SNX10: variants seen among roughly 807,000 people sequenced by gnomAD.
SNX10 encodes the protein sorting nexin 10.
In SNX10, 25 loss-of-function variants were observed where a neutral mutation model predicts 28.5. The observed-to-expected ratio is 0.88, with a 90% CI of 0.64 to 1.22. The LOEUF (loss-of-function observed/expected upper bound fraction) is 1.22, where lower values mean the gene tolerates loss of function less well. Among genes scored for constraint, SNX10 ranks in the 50% most tolerant of loss-of-function variants. SNX10 has a pLI of 0.00. For missense variants in SNX10, 223 were observed against 242.6 expected, an observed-to-expected ratio of 0.92 and a Z score of 0.54; for synonymous variants, 62 against 81.4, an observed-to-expected ratio of 0.76 and a Z score of 1.28.
intron 3 of SNX10, among the ~76,000 whole-genome samples, chr7:26,361,627 G>A (rs910618720): frequency 1.3e-5 from 2 of 152,204 alleles, no homozygotes; most frequent in African/African-American, 4.8e-5. Context: ...GTGGTGTGTG[G>A]CCTTCTGTGA....
intron 3 of SNX10, among the ~76,000 whole-genome samples, chr7:26,363,063 A>G (rs1418253952): frequency 2.0e-5 from 3 of 152,198 alleles, no homozygotes; most frequent in Non-Finnish European, 4.4e-5. Context: ...AACCTGCTCA[A>G]GCCTTGTTAG....
At position 26,328,755 on chromosome 7, in the gene SNX10, T is replaced by C. The variant is rs1410719882; in HGVS notation, c.-23-17665T>C. Among the ~76,000 whole-genome samples the C allele has an allele frequency of 6.6e-5, 10 of 152,142 alleles. No individual in the cohort carries two copies. The East Asian group carries it at 1.9e-3, about 29-fold the overall frequency. On this transcript the variant is annotated intron_variant, in intron 1 of 6. Transcript: ENST00000338523. The stretch of plus-strand genomic sequence containing the variant: ...TACAGAAGTGGGGAGAATGCCTTCT[T>C]TCCCATCATGGGCCTCGCTGCAGGC...
intron 1 of SNX10, among the ~76,000 whole-genome samples, chr7:26,321,594 A>G (rs1787310234): frequency 6.6e-6 from 1 of 152,110 alleles, no homozygotes; most frequent in Non-Finnish European, 1.5e-5. Flanking sequence ...GGTCAGGTGC[A>G]CTGCAGACTC....
At chr7:26,351,749 C>T (rs531368412) in intron 2 of SNX10, among the ~76,000 whole-genome samples, 70 of 147,476 alleles carry the variant, frequency 4.7e-4, no homozygotes, top group Non-Finnish European at 8.8e-4. Flanking sequence ...CTCCACCTCC[C>T]GGGTTCACAC....
chr7:26,318,439 A>G (rs190599906), intron 1 of SNX10, among the ~76,000 whole-genome samples: 50 of 152,248 alleles, frequency 3.3e-4, no homozygotes, highest in Admixed American at 1.2e-3. Context: ...AGTACCAATA[A>G]TTCAGCCAGT....
intron 2 of SNX10, among the ~76,000 whole-genome samples, chr7:26,357,888 G>C (rs542189215): frequency 6.6e-6 from 1 of 152,114 alleles, no homozygotes; most frequent in African/African-American, 2.4e-5. Flanking sequence ...AGGTGGATCA[G>C]GCTAGAGGCT....
At chr7:26,317,651 T>A (rs1403451100) in intron 1 of SNX10, among the ~76,000 whole-genome samples, 2 of 148,900 alleles carry the variant, frequency 1.3e-5, no homozygotes, top group Admixed American at 1.4e-4. Context: ...ATGGTGATCT[T>A]CTTTGATCTT....
chr7:26,327,829 A>G (rs1693164136), intron 1 of SNX10, among the ~76,000 whole-genome samples: 1 of 140,438 alleles, frequency 7.1e-6, no homozygotes, highest in South Asian at 2.2e-4. Flanking sequence ...TCCCGGGTTC[A>G]CGCCATTCTC....
intron 1 of SNX10, among the ~76,000 whole-genome samples, chr7:26,323,299 G>A (rs1787375097): frequency 6.9e-6 from 1 of 144,884 alleles, no homozygotes. Flanking sequence ...TAAAACTTAG[G>A]GGAAAAACTT....
chr7:26,351,162 T>C (rs2128015092), intron 2 of SNX10, among the ~76,000 whole-genome samples: 1 of 152,336 alleles, frequency 6.6e-6, no homozygotes, highest in South Asian at 2.1e-4. Flanking sequence ...TTTCAAGAAA[T>C]ACTTCACCAG....
rs548464262 is a variant in SNX10, at chr7:26,354,919, ATTTT to A, written c.25-6047_25-6044del. Among the ~76,000 whole-genome samples, 738 of 145,262 alleles carry A rather than the reference ATTTT, an allele frequency of 5.1e-3. 5 individuals are homozygous for A. Among genetic ancestry groups the A allele is most frequent in the African/African-American group, 0.018 (707 of 39,620 alleles). On this transcript the variant is annotated intron_variant, in intron 2 of 6. Transcript: ENST00000338523. ...GTCCTAGGCCGAAAGATTTTCTTTG[ATTTT>A]TTTTTTTTCTAAAAGTTTTTCTAAA...
intron 1 of SNX10, among the ~76,000 whole-genome samples, chr7:26,302,409 T>C (rs1019607392): frequency 2.4e-4 from 37 of 152,120 alleles, no homozygotes; most frequent in Non-Finnish European, 4.4e-5. Flanking sequence ...GCAGTGACAA[T>C]GGGGGCCACC....
At chr7:26,371,423 T>G (rs1789528352) in intron 5 of SNX10, among the ~76,000 whole-genome samples, 2 of 152,194 alleles carry the variant, frequency 1.3e-5, no homozygotes, top group African/African-American at 2.4e-5. Context: ...TGATGTTTCA[T>G]GACAGCCTAT....
At chr7:26,306,939 G>C (rs1786620871) in intron 1 of SNX10, among the ~76,000 whole-genome samples, 1 of 152,158 alleles carries the variant, frequency 6.6e-6, no homozygotes, top group African/African-American at 2.4e-5. Flanking sequence ...ATTTGGGAAA[G>C]GGCAGAATGT....
chr7:26,330,309 G>A (rs1272429483), intron 1 of SNX10, among the ~76,000 whole-genome samples: 1 of 152,146 alleles, frequency 6.6e-6, no homozygotes, highest in Admixed American at 6.5e-5. Context: ...TAGGAAATGA[G>A]GGGGAGGAGG....
chr7:26,333,746 G>A (rs138223316), intron 1 of SNX10, among the ~76,000 whole-genome samples: 211 of 152,320 alleles, frequency 1.4e-3, no homozygotes, highest in Non-Finnish European at 2.6e-3. Context: ...GTTGGCAGGA[G>A]AGAGGGCAGG....
At chr7:26,358,806 T>TTTTTTTTTTTTTGTTTTTG (rs1584166232) in intron 2 of SNX10, among the ~76,000 whole-genome samples, 1 of 52,608 alleles carries the variant, frequency 1.9e-5, no homozygotes, top group Non-Finnish European at 4.7e-5. Context: ...TTATCTTGTG[T>TTTTTTTTTTTTTGTTTTTG]TTTTTTTTTT....
At chr7:26,353,312 T>A (rs139737219) in intron 2 of SNX10, among the ~76,000 whole-genome samples, 6 of 152,330 alleles carry the variant, frequency 3.9e-5, no homozygotes, top group Non-Finnish European at 7.3e-5. Context: ...CTTGATATAT[T>A]CCTTTTGCCC....
chr7:26,299,758 A>AT (rs1363074825), intron 1 of SNX10, among the ~76,000 whole-genome samples: 1 of 151,972 alleles, frequency 6.6e-6, no homozygotes, highest in Non-Finnish European at 1.5e-5. Flanking sequence ...CTTTGAAATA[A>AT]TTTTAAAGTA....
Sources: gnomAD v4.1 joint callset for allele counts (sites outside exome capture counted in the v4.1 genomes callset) on GRCh38, gnomAD v4.1.1 for gene constraint, MANE v1.5 for transcripts, NCBI Gene and HGNC (gene_info 2026-07-23, HGNC 2026-07-21) for gene names.